The following NEDD4 variants were observed in gnomAD, a reference collection of about 807,000 sequenced individuals.
The protein encoded by NEDD4 is E3 ubiquitin-protein ligase NEDD4.
Under a neutral mutation model 144.9 loss-of-function variants are expected in NEDD4, and 99 were observed. The ratio of observed to expected loss-of-function variants is 0.68; its 90% CI spans 0.58 to 0.81. The LOEUF is 0.81. Ranked by LOEUF, NEDD4 falls within the 30% of genes least tolerant of loss-of-function variation. The probability of loss-of-function intolerance (pLI) is 0.00; values close to 1 mark genes in which losing one functional copy is unlikely to be tolerated. For synonymous variants in NEDD4, 318 were observed against 350.6 expected (o/e 0.91, Z 1.04); for missense variants, 985 against 1,065.9 (o/e 0.92, Z 1.06).
At chr15:55,842,530 C>T (rs1450750316) in intron 18 of NEDD4, among the ~76,000 whole-genome samples, 8 of 152,140 alleles carry the variant, frequency 5.3e-5, no homozygotes, top group Non-Finnish European at 8.8e-5. Context: ...GGACCACAGG[C>T]GCATGCCATC....
rs774143569 is a variant in NEDD4, at chr15:55,842,148, T to C, written c.1624A>G (p.Lys542Glu). 1 of 1,614,094 alleles carries C rather than the reference T, an allele frequency of 6.2e-7. No homozygotes were observed. The highest frequency in any genetic ancestry group is 8.5e-7 in the Non-Finnish European group (1 of 1,179,952). Residue 542 changes from lysine to glutamate, a missense_variant, in exon 19 of 29, where the codon AAA becomes GAA. Coordinates refer to ENST00000435532, the MANE Select transcript of NEDD4 (RefSeq NM_006154.4). ...KLKKQNDIPN[K>E]FEMKLRRATV... is the part of the protein sequence containing the mutation. ...GCTCGGCGAAGTTTCATTTCAAATT[T>C]GTTTGGAATGTCATTCTGAAAATCC...
At position 55,834,032 on chromosome 15, in the gene NEDD4, A is replaced by C; in HGVS notation, c.2430+6T>G. 6.3e-7 allele frequency: 1 copy of C among 1,597,344 alleles called. No homozygotes were observed. The highest frequency in any genetic ancestry group is 8.5e-7 in the Non-Finnish European group (1 of 1,170,828). ...GTAAGTTATGAAAATAGAAGTTTCAAATTACCTTCCAAAACCACTGTATAA... is the reference window on the plus strand; with the variant it reads ...GTAAGTTATGAAAATAGAAGTTTCACATTACCTTCCAAAACCACTGTATAA... On this transcript the variant is annotated splice_donor_region_variant and intron_variant, in intron 26 of 28. Transcript: ENST00000435532.
intron 4 of NEDD4, among the ~76,000 whole-genome samples, chr15:55,940,208 A>G (rs1266727690): frequency 1.3e-5 from 2 of 152,186 alleles, no homozygotes; most frequent in African/African-American, 4.8e-5. Flanking sequence ...TATATTATAC[A>G]CCAAAACCTT....
chr15:55,932,594 A>G (rs7181706), intron 4 of NEDD4, among the ~76,000 whole-genome samples: 4,425 of 152,332 alleles, frequency 0.029, 72 homozygotes, highest in Non-Finnish European at 0.035. Flanking sequence ...AATACCATTC[A>G]GGCCATAGGC....
intron 1 of NEDD4, among the ~76,000 whole-genome samples, chr15:55,971,630 A>AAAAAAAAG (rs1235208587): frequency 0.014 from 2,140 of 151,890 alleles, 65 homozygotes; most frequent in African/African-American, 0.05. Context: ...GTCTCAAAAA[A>AAAAAAAAG]AAAAAAAAGA....
chr15:55,974,280 C>G (rs1346856770), intron 1 of NEDD4, among the ~76,000 whole-genome samples: 2 of 152,118 alleles, frequency 1.3e-5, no homozygotes, highest in African/African-American at 2.4e-5. Context: ...GTAGTAAAGT[C>G]TCCCAGCAAA....
chr15:55,949,540 T>C (rs1169404768), intron 4 of NEDD4, among the ~76,000 whole-genome samples: 1 of 152,148 alleles, frequency 6.6e-6, no homozygotes, highest in Non-Finnish European at 1.5e-5. Flanking sequence ...AGCAAAGACT[T>C]GGAACCAACC....
chr15:55,857,642 C>T (rs867809144), intron 11 of NEDD4, among the ~76,000 whole-genome samples: 1 of 152,060 alleles, frequency 6.6e-6, no homozygotes, highest in Admixed American at 6.6e-5. Context: ...ATTTTATATA[C>T]CTAAATACAA....
chr15:55,874,802 C>T (rs1334874110), intron 5 of NEDD4, among the ~76,000 whole-genome samples: 1 of 152,074 alleles, frequency 6.6e-6, no homozygotes, highest in Non-Finnish European at 1.5e-5. Context: ...GGTGAAACCT[C>T]ATCTCTACGA....
chr15:55,852,031 C>T (rs2034002219), intron 13 of NEDD4, among the ~76,000 whole-genome samples: 1 of 151,908 alleles, frequency 6.6e-6, no homozygotes, highest in African/African-American at 2.4e-5. Context: ...CACGGTGGCT[C>T]ATGCCTATAA....
At chr15:55,874,531 T>C (rs1271021428) in intron 5 of NEDD4, among the ~76,000 whole-genome samples, 2 of 152,158 alleles carry the variant, frequency 1.3e-5, no homozygotes, top group African/African-American at 4.8e-5. Flanking sequence ...CAAATCTATA[T>C]ATAAACTCTT....
chr15:55,914,161 C>A (rs2036359146), intron 5 of NEDD4, among the ~76,000 whole-genome samples: 1 of 151,064 alleles, frequency 6.6e-6, no homozygotes. Context: ...AATAAACTAG[C>A]AATTACTATT....
intron 5 of NEDD4, among the ~76,000 whole-genome samples, chr15:55,903,659 A>T (rs2035984078): frequency 6.6e-6 from 1 of 151,260 alleles, no homozygotes; most frequent in Admixed American, 6.6e-5. Context: ...CCTCAGCTCT[A>T]CTAAAAATAC....
intron 18 of NEDD4, among the ~76,000 whole-genome samples, chr15:55,842,882 A>G (rs2141988335): frequency 6.6e-6 from 1 of 152,256 alleles, no homozygotes; most frequent in South Asian, 2.1e-4. Flanking sequence ...ACAGATGGTG[A>G]CATTTACAGA....
chr15:55,847,490 TTTTA>T (rs1349187218), intron 17 of NEDD4, among the ~76,000 whole-genome samples: 9 of 152,102 alleles, frequency 5.9e-5, no homozygotes, highest in South Asian at 2.1e-4. Flanking sequence ...GTATCTTCAG[TTTTA>T]TTTATTTTTA....
intron 21 of NEDD4, 38 bp from the exon 22 acceptor site, chr15:55,838,642 A>G (rs1160763240): frequency 3.5e-6 from 5 of 1,423,440 alleles, no homozygotes; most frequent in Admixed American, 1.7e-5. Context: ...ATTTGTATCT[A>G]TAACACACCT....
At position 55,840,728 on chromosome 15, in the gene NEDD4, CT is replaced by C. The variant is rs1210008467; in HGVS notation, c.1839-2del. 1 of 1,602,876 alleles carries C rather than the reference CT, an allele frequency of 6.2e-7. No individual in the cohort carries two copies. Among genetic ancestry groups the C allele is most frequent in the Non-Finnish European group, 8.5e-7 (1 of 1,176,828 alleles). On this transcript the variant is annotated splice_acceptor_variant, in intron 19 of 28. Coordinates refer to ENST00000435532, the MANE Select transcript of NEDD4 (RefSeq NM_006154.4). LOFTEE classifies it high-confidence loss of function. The stretch of plus-strand genomic sequence containing the variant: ...ATTTATCTGTAGGGTATAATTGTCC[CT>C]GTAAAGACAACCCCATTTAAATACT...
Position 55,946,209 on chromosome 15 carries a change from C to T in NEDD4, c.237+5167G>A, listed in dbSNP as rs370296034. On this transcript the variant is annotated intron_variant, in intron 4 of 28. Coordinates refer to ENST00000435532, the MANE Select transcript of NEDD4 (RefSeq NM_006154.4). ...GCCCCCATTAAAAGACACAGACTGG[C>T]GAATTAGATAAAGAGTCAAGACCCA... 6.6e-5 allele frequency among the ~76,000 whole-genome samples: 10 copies of T among 152,174 alleles called. No individual in the cohort carries two copies. In the South Asian group the frequency reaches 1.5e-3, roughly 22 times the overall value.
intron 4 of NEDD4, among the ~76,000 whole-genome samples, chr15:55,926,585 T>C (rs1243919230): frequency 1.3e-5 from 2 of 151,726 alleles, no homozygotes; most frequent in African/African-American, 2.4e-5. Flanking sequence ...CTGGGCATCA[T>C]AGGGAGACCA....
Sources: gnomAD v4.1 joint callset for allele counts (sites outside exome capture counted in the v4.1 genomes callset) on GRCh38, gnomAD v4.1.1 for gene constraint, MANE v1.5 for transcripts, NCBI Gene and HGNC (gene_info 2026-07-23, HGNC 2026-07-21) for gene names.